HDAC8: variants seen among roughly 807,000 people sequenced by gnomAD.
The protein encoded by HDAC8 is histone deacetylase-like 1.
A neutral mutation model predicts 32.2 loss-of-function variants in HDAC8; 1 was observed. The ratio of observed to expected loss-of-function variants is 0.03; its 90% CI spans 0.01 to 0.15. The LOEUF (loss-of-function observed/expected upper bound fraction) is 0.15. Among genes scored for constraint, HDAC8 ranks in the 10% least tolerant of loss-of-function variants. The probability of loss-of-function intolerance (pLI) is 1.00; values close to 1 mark genes in which losing one functional copy is unlikely to be tolerated. For synonymous variants in HDAC8, 108 were observed against 113.9 expected (o/e 0.95, Z 0.33); for missense variants, 117 against 300.0 (o/e 0.39, Z 4.51).
At chrX:72,463,937 T>C (rs187902556) in intron 8 of HDAC8, among the ~76,000 whole-genome samples, 24 of 112,173 alleles carry the variant, frequency 2.1e-4, no homozygotes, top group African/African-American at 7.4e-4. Flanking sequence ...TGGTAGATGT[T>C]GTGACAAGTT....
intron 4 of HDAC8, among the ~76,000 whole-genome samples, chrX:72,534,319 T>A (rs1273182016): frequency 1.9e-5 from 2 of 105,834 alleles, no homozygotes; most frequent in African/African-American, 6.8e-5. Flanking sequence ...ATATATATTT[T>A]TTTTTTTTTG....
intron 10 of HDAC8, among the ~76,000 whole-genome samples, chrX:72,346,575 A>G (rs1245325899): frequency 4.5e-5 from 5 of 112,119 alleles, no homozygotes; most frequent in African/African-American, 1.6e-4. Context: ...TGGTTCTCCT[A>G]AGAATATTAC....
At chrX:72,510,220 G>A (rs1336133321) in intron 4 of HDAC8, among the ~76,000 whole-genome samples, 1 of 111,578 alleles carries the variant, frequency 9.0e-6, no homozygotes, top group African/African-American at 3.3e-5. Flanking sequence ...ATTTACATAG[G>A]AACACGTGTG....
chrX:72,516,383 T>A (rs1366877503), intron 4 of HDAC8, among the ~76,000 whole-genome samples: 2 of 111,344 alleles, frequency 1.8e-5, no homozygotes, highest in Non-Finnish European at 3.8e-5. Flanking sequence ...GAGGCTCATA[T>A]TTAAATCTTC....
intron 10 of HDAC8, among the ~76,000 whole-genome samples, chrX:72,340,422 G>C (rs2043856838): frequency 8.9e-6 from 1 of 112,005 alleles, no homozygotes; most frequent in Non-Finnish European, 1.9e-5. Flanking sequence ...GCAGTGGTAG[G>C]AGGAATAATA....
At chrX:72,562,524 G>A (rs189257639) in intron 4 of HDAC8, among the ~76,000 whole-genome samples, 8 of 110,833 alleles carry the variant, frequency 7.2e-5, no homozygotes, top group Non-Finnish European at 1.1e-4. Context: ...TTGGGGACTC[G>A]GGGGAAAGGA....
At chrX:72,350,166 G>A (rs1401955362) in intron 10 of HDAC8, among the ~76,000 whole-genome samples, 1 of 111,266 alleles carries the variant, frequency 9.0e-6, no homozygotes, top group Non-Finnish European at 1.9e-5. Context: ...AGGAAGCAAG[G>A]ACTTGTGGGG....
At chrX:72,342,821 A>G (rs141654004) in intron 10 of HDAC8, among the ~76,000 whole-genome samples, 1,679 of 111,449 alleles carry the variant, frequency 0.015, 29 homozygotes, top group African/African-American at 0.052. Flanking sequence ...TTCCGCACTT[A>G]CCTGCTGTGT....
At chrX:72,394,532 T>C (rs1338594523) in intron 9 of HDAC8, among the ~76,000 whole-genome samples, 9 of 112,332 alleles carry the variant, frequency 8.0e-5, no homozygotes, top group Non-Finnish European at 1.7e-4. Context: ...TGCCCTTTCA[T>C]GGATAGGCAG....
rs200728729 is a variant in HDAC8, at chrX:72,516,635, G to GA, written c.438-21368dup. On this transcript the variant is annotated intron_variant, in intron 4 of 10. Coordinates refer to ENST00000373573, the MANE Select transcript of HDAC8 (RefSeq NM_018486.3). ...AAGCTAGGACAGCCAAGTGCTTTTG[G>GA]AAAAAAACCCACAAAACTATAACTG... is the stretch of plus-strand genomic sequence containing the variant. Among the ~76,000 whole-genome samples, 231 of 110,741 alleles carry GA rather than the reference G, an allele frequency of 2.1e-3. 4 individuals are homozygous for GA. The highest frequency in any genetic ancestry group is 0.017 in the Admixed American group (179 of 10,393).
chrX:72,476,345 C>T (rs1473831968), intron 7 of HDAC8, among the ~76,000 whole-genome samples: 1 of 110,559 alleles, frequency 9.0e-6, no homozygotes. Context: ...AAGTGGTAGG[C>T]TGGTTTGGAG....
At chrX:72,499,673 A>G (rs1165281150) in intron 4 of HDAC8, among the ~76,000 whole-genome samples, 3 of 111,880 alleles carry the variant, frequency 2.7e-5, no homozygotes, top group Non-Finnish European at 5.6e-5. Flanking sequence ...CTAGCACTAA[A>G]TGCCCACATC....
At chrX:72,468,449 GA>G (rs1397860806) in intron 7 of HDAC8, among the ~76,000 whole-genome samples, 9 of 109,422 alleles carry the variant, frequency 8.2e-5, no homozygotes, top group Non-Finnish European at 1.5e-4. Context: ...TCCCAGGACG[GA>G]AAAAAAAATT....
chrX:72,358,123 TCTCGC>T (rs1444028942), intron 9 of HDAC8, among the ~76,000 whole-genome samples: 1 of 110,180 alleles, frequency 9.1e-6, no homozygotes, highest in Non-Finnish European at 1.9e-5. Context: ...GCCAGGCTGG[TCTCGC>T]CTGGTCTCCA....
chrX:72,388,045 G>C (rs1006060159), intron 9 of HDAC8, among the ~76,000 whole-genome samples: 1 of 110,343 alleles, frequency 9.1e-6, no homozygotes, highest in Admixed American at 9.7e-5. Flanking sequence ...GTAGGAGGAA[G>C]GATATTCCTA....
chrX:72,525,801 G>C (rs376275238), intron 4 of HDAC8, among the ~76,000 whole-genome samples: 1 of 66,006 alleles, frequency 1.5e-5, no homozygotes, highest in Non-Finnish European at 2.6e-5. Context: ...GCAACAGAGC[G>C]AGACTCTGTC....
At chrX:72,399,082 G>A (rs1182753716) in intron 9 of HDAC8, among the ~76,000 whole-genome samples, 3 of 111,301 alleles carry the variant, frequency 2.7e-5, no homozygotes, top group Non-Finnish European at 3.8e-5. Context: ...TTCTGTAGAT[G>A]GTGGTACTGC....
intron 7 of HDAC8, chrX:72,474,494 G>T: frequency 9.4e-7 from 1 of 1,064,068 alleles, no homozygotes; most frequent in Non-Finnish European, 1.2e-6. Context: ...TTTTCGTTTT[G>T]TGAAAGTATA....
intron 10 of HDAC8, among the ~76,000 whole-genome samples, chrX:72,333,475 G>A (rs2043590196): frequency 9.0e-6 from 1 of 111,353 alleles, no homozygotes; most frequent in African/African-American, 3.3e-5. Context: ...CATCACCTGA[G>A]GTCAGGAGTT....
Sources: allele counts gnomAD v4.1 joint callset (sites outside exome capture counted in the v4.1 genomes callset), GRCh38; gene constraint gnomAD v4.1.1; transcripts MANE v1.5; gene names NCBI Gene and HGNC (gene_info 2026-07-23, HGNC 2026-07-21).